The following LDB2 variants were observed in gnomAD, a reference collection of about 807,000 sequenced individuals.
The protein encoded by LDB2 is LIM domain binding 2.
LDB2 carries 12 observed loss-of-function variants against 44.3 expected under a neutral mutation model. The observed-to-expected ratio is 0.27, with a 90% CI of 0.17 to 0.44. The LOEUF (loss-of-function observed/expected upper bound fraction) is 0.44. LDB2 is among the 20% of genes least tolerant of loss of function. The pLI, the probability that LDB2 is intolerant of heterozygous loss-of-function variation, is 1.00. For missense variants in LDB2, 344 were observed against 473.5 expected (o/e 0.73, Z 2.54); for synonymous variants, 164 against 174.8 (o/e 0.94, Z 0.49).
intron 1 of LDB2, among the ~76,000 whole-genome samples, chr4:16,847,626 TTTG>T (rs1168141357): frequency 6.6e-6 from 1 of 152,252 alleles, no homozygotes; most frequent in African/African-American, 2.4e-5. Flanking sequence ...TGTTTGTTTG[TTTG>T]TTTTTTGAGA....
intron 6 of LDB2, among the ~76,000 whole-genome samples, chr4:16,511,151 C>T (rs1051125583): frequency 3.9e-5 from 6 of 152,138 alleles, no homozygotes; most frequent in East Asian, 1.9e-4. Context: ...ACTTACCAGC[C>T]GAAGGTGACC....
chr4:16,627,399 A>G (rs980714571), intron 2 of LDB2, among the ~76,000 whole-genome samples: 3 of 152,184 alleles, frequency 2.0e-5, no homozygotes, highest in Non-Finnish European at 4.4e-5. Context: ...CCACTCTTCT[A>G]TACAAGTGAC....
intron 2 of LDB2, among the ~76,000 whole-genome samples, chr4:16,602,886 C>T (rs949300540): frequency 1.3e-5 from 2 of 152,150 alleles, no homozygotes; most frequent in African/African-American, 4.8e-5. Flanking sequence ...TGTGTCATGG[C>T]TCCATCTTGT....
intron 1 of LDB2, among the ~76,000 whole-genome samples, chr4:16,871,325 G>A (rs938295599): frequency 3.3e-5 from 5 of 152,112 alleles, no homozygotes; most frequent in Non-Finnish European, 7.3e-5. Context: ...CTAAAATGCA[G>A]GGCTTGAGTT....
At chr4:16,789,324 T>G (rs1294007622) in intron 1 of LDB2, among the ~76,000 whole-genome samples, 1 of 152,034 alleles carries the variant, frequency 6.6e-6, no homozygotes, top group African/African-American at 2.4e-5. Context: ...CTACGATGAG[T>G]CAGATGTTGA....
chr4:16,728,668 T>G (rs371961985), intron 2 of LDB2, among the ~76,000 whole-genome samples: 2 of 152,220 alleles, frequency 1.3e-5, no homozygotes, highest in African/African-American at 2.4e-5. Context: ...TCTAGCCAAC[T>G]GCAATATGAA....
intron 2 of LDB2, among the ~76,000 whole-genome samples, chr4:16,621,395 G>C (rs1362091090): frequency 1.3e-5 from 2 of 152,172 alleles, no homozygotes; most frequent in Non-Finnish European, 2.9e-5. Context: ...TGGTTGAAGA[G>C]AGGGATGGAT....
intron 2 of LDB2, among the ~76,000 whole-genome samples, chr4:16,678,319 T>C (rs559930228): frequency 5.3e-5 from 8 of 152,340 alleles, no homozygotes; most frequent in African/African-American, 1.9e-4. Flanking sequence ...CACTGATAAA[T>C]TCTTTTCTTT....
intron 2 of LDB2, among the ~76,000 whole-genome samples, chr4:16,696,367 G>T (rs985719275): frequency 3.3e-5 from 5 of 152,166 alleles, no homozygotes; most frequent in Non-Finnish European, 5.9e-5. Flanking sequence ...TTTCAGTAAT[G>T]CACTAATGAC....
chr4:16,775,058 T>C (rs1771600183), intron 1 of LDB2, among the ~76,000 whole-genome samples: 1 of 152,218 alleles, frequency 6.6e-6, no homozygotes, highest in East Asian at 1.9e-4. Flanking sequence ...TATTGGGTGA[T>C]TTCATTTACA....
At chr4:16,694,900 T>C (rs1269936890) in intron 2 of LDB2, among the ~76,000 whole-genome samples, 1 of 151,204 alleles carries the variant, frequency 6.6e-6, no homozygotes, top group Non-Finnish European at 1.5e-5. Context: ...ATGCTGATGT[T>C]CTATCTATCA....
intron 1 of LDB2, among the ~76,000 whole-genome samples, chr4:16,844,955 T>C (rs1786664053): frequency 6.6e-6 from 1 of 152,202 alleles, no homozygotes; most frequent in African/African-American, 2.4e-5. Context: ...TCTCTGCTAA[T>C]GGTAGGTCAA....
chr4:16,749,798 C>T (rs1205221151), intron 2 of LDB2, among the ~76,000 whole-genome samples: 1 of 151,976 alleles, frequency 6.6e-6, no homozygotes, highest in Admixed American at 6.5e-5. Context: ...ACCAGCATTG[C>T]ATCAACTGTT....
At chr4:16,645,741 G>GCTGA (rs139391834) in intron 2 of LDB2, among the ~76,000 whole-genome samples, 3,013 of 152,282 alleles carry the variant, frequency 0.02, 27 homozygotes, top group East Asian at 0.046. Flanking sequence ...CAGGATTGTA[G>GCTGA]CTGATCACAT....
intron 4 of LDB2, among the ~76,000 whole-genome samples, chr4:16,586,768 A>T (rs889744148): frequency 2.6e-5 from 4 of 152,216 alleles, no homozygotes; most frequent in African/African-American, 9.7e-5. Context: ...GATCCATTTT[A>T]AAATGACTCT....
At position 16,582,607 on chromosome 4, in the gene LDB2, C is replaced by T. The variant is rs916257449; in HGVS notation, c.615+3315G>A. 1.3e-5 allele frequency among the ~76,000 whole-genome samples: 2 copies of T among 152,146 alleles called. No individual in the cohort carries two copies. The highest frequency in any genetic ancestry group is 1.3e-4 in the Admixed American group (2 of 15,278). The stretch of plus-strand genomic sequence containing the variant: ...CTTCGTGAAACCCACCACCCGGTAT[C>T]GGAATACCCAACAGCAACAAAATAA... On this transcript the variant is annotated intron_variant, in intron 5 of 7. Coordinates refer to ENST00000304523, the MANE Select transcript of LDB2 (RefSeq NM_001290.5). This position sits in a 1 kb window ranked among gnomAD's most constrained non-coding sequence, Gnocchi z 4.8.
At chr4:16,733,312 T>C (rs1579158601) in intron 2 of LDB2, among the ~76,000 whole-genome samples, 1 of 151,780 alleles carries the variant, frequency 6.6e-6, no homozygotes, top group Non-Finnish European at 1.5e-5. Flanking sequence ...AGCAGGATAA[T>C]TGGAATAAAT....
At chr4:16,546,539 T>A (rs537433327) in intron 5 of LDB2, among the ~76,000 whole-genome samples, 4 of 152,338 alleles carry the variant, frequency 2.6e-5, no homozygotes, top group East Asian at 1.9e-4. Context: ...CGGTCTTCAT[T>A]TGGGTTTTTC....
At chr4:16,891,055 T>C (rs932976552) in intron 1 of LDB2, among the ~76,000 whole-genome samples, 4 of 152,264 alleles carry the variant, frequency 2.6e-5, no homozygotes, top group African/African-American at 9.6e-5. Flanking sequence ...CCAATTTGAA[T>C]TGTAATTTAA....
Sources: gnomAD v4.1 joint callset for allele counts (sites outside exome capture counted in the v4.1 genomes callset) on GRCh38, gnomAD v4.1.1 for gene constraint, Gnocchi (gnomAD v3.1) non-coding constraint, MANE v1.5 for transcripts, NCBI Gene and HGNC (gene_info 2026-07-23, HGNC 2026-07-21) for gene names.